VAPB: variants seen among roughly 807,000 people sequenced by gnomAD.
VAPB encodes the protein VAMP associated protein B and C.
In VAPB, 7 loss-of-function variants were observed where a neutral mutation model predicts 25.6. The observed-to-expected ratio is 0.27, with a 90% CI of 0.16 to 0.51. The LOEUF (loss-of-function observed/expected upper bound fraction) is 0.51, where lower values mean the gene tolerates loss of function less well. VAPB is among the 20% of genes least tolerant of loss of function. The pLI is 0.97. For missense variants in VAPB, 266 were observed against 301.3 expected, an observed-to-expected ratio of 0.88 and a Z score of 0.87; for synonymous variants, 112 against 109.2, an observed-to-expected ratio of 1.03 and a Z score of -0.16.
Position 58,391,130 on chromosome 20 carries a change from TTCTC to T in VAPB, c.58+1615_58+1618del, listed in dbSNP as rs1461942623. Among the ~76,000 whole-genome samples the T allele has an allele frequency of 5.3e-5, 8 of 152,324 alleles. No homozygotes were observed. The East Asian group carries it at 9.6e-4, about 18-fold the overall frequency. On this transcript the variant is annotated intron_variant, in intron 1 of 5. Coordinates refer to ENST00000475243, the MANE Select transcript of VAPB (RefSeq NM_004738.5). ...TTCCACTTGAGTTGTCTGAAGTTCT[TTCTC>T]TATCTGGGAGGCCTGGCTTGGCTTC...
chr20:58,448,292 A>G lies in VAPB; in HGVS notation c.*4057A>G, dbSNP rs1201702503. Reference sequence around the variant, plus strand: ...CTGAGATCATGCTGGCCCTACGCGAATTGAGTTTCTGTGGCCTAATTGGAT... The same window carrying G: ...CTGAGATCATGCTGGCCCTACGCGAGTTGAGTTTCTGTGGCCTAATTGGAT... On this transcript the variant is annotated 3_prime_UTR_variant, in exon 6 of 6. Transcript: ENST00000475243. 1 of 453,696 alleles carries G rather than the reference A, an allele frequency of 2.2e-6. No homozygotes were observed. The highest frequency in any genetic ancestry group is 2.3e-5 in the Admixed American group (1 of 42,558). The allele number at this position is 453,696 out of a possible 1,614,324, so 28.1% of individuals were successfully genotyped here. A position where few individuals can be genotyped will look rare whatever the true frequency, so the allele number is the denominator to read the frequency against.
intron 4 of VAPB, 171 bp from the exon 5 acceptor site, chr20:58,440,736 G>T: frequency 1.6e-6 from 1 of 609,354 alleles, no homozygotes; most frequent in East Asian, 3.2e-5. Flanking sequence ...TGTTGCTTTA[G>T]ATTATTAAGA....
chr20:58,430,043 T>TA (rs370143812), intron 2 of VAPB, among the ~76,000 whole-genome samples: 19,839 of 142,802 alleles, frequency 0.14, 1,413 homozygotes, highest in African/African-American at 0.18. Flanking sequence ...CCTCATCTCT[T>TA]AAAAAAAAAA....
intron 5 of VAPB, among the ~76,000 whole-genome samples, chr20:58,442,600 T>G (rs1989187828): frequency 1.3e-5 from 2 of 152,226 alleles, no homozygotes; most frequent in African/African-American, 2.4e-5. Context: ...AAACACTGCC[T>G]TCTTGTTTTG....
At chr20:58,413,546 T>G (rs1390042557) in intron 1 of VAPB, among the ~76,000 whole-genome samples, 1 of 152,128 alleles carries the variant, frequency 6.6e-6, no homozygotes, top group East Asian at 1.9e-4. Context: ...TGTCTACTTC[T>G]TTCTACACAG....
Position 58,449,020 on chromosome 20 carries a change from TCTC to T in VAPB, c.*4786_*4788del, listed in dbSNP as rs1445445950. On this transcript the variant is annotated 3_prime_UTR_variant, in exon 6 of 6. Transcript: ENST00000475243. ...TTTGAAAACAGCTGAGCTGCTGATG[TCTC>T]AGGCCTTTCCCTGAATTAGCACTGC... 2.2e-6 allele frequency: 1 copy of T among 454,112 alleles called. No homozygotes were observed. The highest frequency in any genetic ancestry group is 4.4e-6 in the Non-Finnish European group (1 of 226,786). 28.1% of individuals were successfully genotyped at this position (454,112 alleles called of 1,614,324 possible).
chr20:58,444,705 T>C lies in VAPB; in HGVS notation c.*470T>C. 1 of 454,480 alleles carries C rather than the reference T, an allele frequency of 2.2e-6. No homozygotes were observed. Among genetic ancestry groups the C allele is most frequent in the Non-Finnish European group, 4.4e-6 (1 of 226,850 alleles). 28.2% of individuals were successfully genotyped at this position (454,480 alleles called of 1,614,324 possible). On this transcript the variant is annotated 3_prime_UTR_variant, in exon 6 of 6. Transcript: ENST00000475243. ...CTCCCGGCCCAGGCTGCTTTCCGTG[T>C]CTTCAGTTCTGTCCAAGCCATCAGC...
Position 58,450,356 on chromosome 20 carries a change from CTGTT to C in VAPB, c.*6124_*6127del, listed in dbSNP as rs1253058568. The C allele has an allele frequency of 4.4e-6, 2 of 452,300 alleles. No individual in the cohort carries two copies. Among genetic ancestry groups the C allele is most frequent in the South Asian group, 1.6e-5 (1 of 64,442 alleles). 28.0% of individuals were successfully genotyped at this position (452,300 alleles called of 1,614,324 possible). On this transcript the variant is annotated 3_prime_UTR_variant, in exon 6 of 6. Coordinates refer to ENST00000475243, the MANE Select transcript of VAPB (RefSeq NM_004738.5). ...CAAACGTTTCGTAAGTACCCTCTGTCTGTTTGCTACTATATGAGGTGCTGCGAAA... is the reference window on the plus strand; with the variant it reads ...CAAACGTTTCGTAAGTACCCTCTGTCTGCTACTATATGAGGTGCTGCGAAA...
Position 58,445,815 on chromosome 20 carries a change from G to C in VAPB, c.*1580G>C. On this transcript the variant is annotated 3_prime_UTR_variant, in exon 6 of 6. Coordinates refer to ENST00000475243, the MANE Select transcript of VAPB (RefSeq NM_004738.5). The stretch of plus-strand genomic sequence containing the variant: ...TCACCCTTGGCCTTCCATTGCTTTG[G>C]CCTTCAGTAAAAAGCAGCCTCCCTT... The C allele has an allele frequency of 2.2e-6, 1 of 453,680 alleles. No homozygotes were observed. Among genetic ancestry groups the C allele is most frequent in the Non-Finnish European group, 4.4e-6 (1 of 226,734 alleles). 28.1% of individuals were successfully genotyped at this position (453,680 alleles called of 1,614,324 possible).
At chr20:58,398,696 T>C (rs905643193) in intron 1 of VAPB, among the ~76,000 whole-genome samples, 1 of 152,248 alleles carries the variant, frequency 6.6e-6, no homozygotes, top group Non-Finnish European at 1.5e-5. Flanking sequence ...GCTTACACTG[T>C]GCGCTTGCCA....
chr20:58,439,994 C>G (rs112890424), intron 4 of VAPB: 2 of 152,294 alleles, frequency 1.3e-5, no homozygotes, highest in South Asian at 4.1e-4. Flanking sequence ...TTGGTCTGCG[C>G]GAGTGCTGTT....
Position 58,444,637 on chromosome 20 carries a change from G to T in VAPB, c.*402G>T. 2 of 455,024 alleles carry T rather than the reference G, an allele frequency of 4.4e-6. No individual in the cohort carries two copies. Among genetic ancestry groups the T allele is most frequent in the Non-Finnish European group, 4.4e-6 (1 of 227,432 alleles). The allele number at this position is 455,024 out of a possible 1,614,324, so 28.2% of individuals were successfully genotyped here. On this transcript the variant is annotated 3_prime_UTR_variant, in exon 6 of 6. Transcript: ENST00000475243. ...TTGGGGAGCTGGAGCCCAGCATGCTGGGGAGTGCGGTCAGCTCCACACAGT... is the reference window on the plus strand; with the variant it reads ...TTGGGGAGCTGGAGCCCAGCATGCTTGGGAGTGCGGTCAGCTCCACACAGT...
chr20:58,422,384 A>T (rs952962812), intron 2 of VAPB, among the ~76,000 whole-genome samples: 1 of 152,222 alleles, frequency 6.6e-6, no homozygotes, highest in African/African-American at 2.4e-5. Context: ...ACTTAAATAG[A>T]GATTGAAGAA....
chr20:58,413,398 G>A (rs1211519840), intron 1 of VAPB, among the ~76,000 whole-genome samples: 1 of 151,898 alleles, frequency 6.6e-6, no homozygotes, highest in Non-Finnish European at 1.5e-5. Flanking sequence ...AGCACATCTT[G>A]CACCGCCCTT....
chr20:58,444,319 G>T lies in VAPB; in HGVS notation c.*84G>T, dbSNP rs760568172. On this transcript the variant is annotated 3_prime_UTR_variant, in exon 6 of 6. Transcript: ENST00000475243. ...AATTTATCATAACCATGTGTAAAAAGAAATTAATGTATGATGACATCTCAC... is the reference window on the plus strand; with the variant it reads ...AATTTATCATAACCATGTGTAAAAATAAATTAATGTATGATGACATCTCAC... The T allele has an allele frequency of 6.2e-7, 1 of 1,603,288 alleles. No individual in the cohort carries two copies.
At chr20:58,436,615 C>G (rs541836376) in intron 3 of VAPB, among the ~76,000 whole-genome samples, 13 of 152,316 alleles carry the variant, frequency 8.5e-5, no homozygotes, top group African/African-American at 3.1e-4. Flanking sequence ...GCATGAGCCA[C>G]TGCCCCAGCC....
At chr20:58,441,575 GA>G (rs1341634701) in intron 5 of VAPB, among the ~76,000 whole-genome samples, 2 of 152,244 alleles carry the variant, frequency 1.3e-5, no homozygotes, top group African/African-American at 4.8e-5. Context: ...CCAGGAGGCG[GA>G]GGTTGCAGTG....
At chr20:58,443,562 A>G (rs1483231280) in intron 5 of VAPB, among the ~76,000 whole-genome samples, 2 of 152,012 alleles carry the variant, frequency 1.3e-5, no homozygotes, top group Non-Finnish European at 2.9e-5. Context: ...TACAGGGATT[A>G]CAAGCATGAG....
chr20:58,449,288 A>G lies in VAPB; in HGVS notation c.*5053A>G, dbSNP rs755462184. The G allele has an allele frequency of 2.2e-6, 1 of 451,874 alleles. No homozygotes were observed. The highest frequency in any genetic ancestry group is 1.6e-5 in the South Asian group (1 of 63,722). The allele number at this position is 451,874 out of a possible 1,614,324, so 28.0% of individuals were successfully genotyped here. ...CCATGCCATGTTTTTGGCTGTATCT[A>G]CGGCACTTAACAATAGGGGCTTTTT... is the stretch of plus-strand genomic sequence containing the variant. On this transcript the variant is annotated 3_prime_UTR_variant, in exon 6 of 6. Coordinates refer to ENST00000475243, the MANE Select transcript of VAPB (RefSeq NM_004738.5).
Sources: allele counts gnomAD v4.1 joint callset (sites outside exome capture counted in the v4.1 genomes callset), GRCh38; gene constraint gnomAD v4.1.1; transcripts MANE v1.5; gene names NCBI Gene and HGNC (gene_info 2026-07-23, HGNC 2026-07-21).